NAA25: variants seen among roughly 807,000 people sequenced by gnomAD.
NAA25 encodes N-terminal acetyltransferase B complex subunit NAA25.
A neutral mutation model predicts 132.5 loss-of-function variants in NAA25; 30 were observed. That is an observed-to-expected ratio of 0.23 (90% CI 0.17 to 0.31). The LOEUF (loss-of-function observed/expected upper bound fraction) is 0.31, where lower values mean the gene tolerates loss of function less well. Ranked by LOEUF, NAA25 falls within the 10% of genes least tolerant of loss-of-function variation. The pLI is 1.00. For missense variants in NAA25, 771 were observed against 1,150.4 expected (o/e 0.67, Z 4.77); for synonymous variants, 359 against 401.9 (o/e 0.89, Z 1.28).
chr12:112,088,954 T>C (rs1468109807), intron 3 of NAA25, among the ~76,000 whole-genome samples: 1 of 152,132 alleles, frequency 6.6e-6, no homozygotes, highest in Non-Finnish European at 1.5e-5. Context: ...TCTGATAGAA[T>C]ACCAGTCATA....
At chr12:112,092,056 C>T (rs373663438) in intron 2 of NAA25, among the ~76,000 whole-genome samples, 38 of 152,066 alleles carry the variant, frequency 2.5e-4, no homozygotes, top group African/African-American at 7.9e-4. Context: ...CTGGCTAACA[C>T]GGTGAAACCC....
chr12:112,075,890 C>CTT, intron 7 of NAA25, 101 bp from the exon 8 acceptor site: 3 of 962,474 alleles, frequency 3.1e-6, no homozygotes, highest in African/African-American at 1.7e-5. Flanking sequence ...ATTTTCTTTT[C>CTT]TTTTTTTTTG....
intron 1 of NAA25, among the ~76,000 whole-genome samples, chr12:112,103,140 C>G (rs538067806): frequency 2.0e-4 from 31 of 152,298 alleles, no homozygotes; most frequent in Admixed American, 7.9e-4. Context: ...GCGCCTGCCA[C>G]CACACCTGGC....
At chr12:112,078,775 C>A (rs760699074) in intron 5 of NAA25, 34 bp from the exon 6 acceptor site, 1 of 1,536,678 alleles carries the variant, frequency 6.5e-7, no homozygotes, top group Non-Finnish European at 9.0e-7. Context: ...CATTCTAATT[C>A]TCCCCTGCTT....
intron 20 of NAA25, among the ~76,000 whole-genome samples, chr12:112,041,608 G>C (rs1344010023): frequency 6.6e-6 from 1 of 151,900 alleles, no homozygotes; most frequent in African/African-American, 2.4e-5. Context: ...CCCAAGGAAG[G>C]ACTCAAATAA....
chr12:112,093,919 A>G (rs1359301346), intron 1 of NAA25, among the ~76,000 whole-genome samples: 1 of 152,156 alleles, frequency 6.6e-6, no homozygotes, highest in Admixed American at 6.5e-5. Context: ...ATTTTTTTCA[A>G]CAAATAAAAA....
chr12:112,071,798 C>T, intron 10 of NAA25, 97 bp downstream of exon 10: 1 of 930,038 alleles, frequency 1.1e-6, no homozygotes. Context: ...ATCTGCTTCC[C>T]AAACATGACT....
chr12:112,074,314 C>A (rs1296187503), intron 9 of NAA25, among the ~76,000 whole-genome samples: 2 of 131,978 alleles, frequency 1.5e-5, no homozygotes, highest in African/African-American at 5.8e-5. Flanking sequence ...GCACTCCAGC[C>A]TGGGTGACAA....
chr12:112,057,012 A>AC (rs1230557076), intron 13 of NAA25, among the ~76,000 whole-genome samples: 1 of 151,918 alleles, frequency 6.6e-6, no homozygotes, highest in Non-Finnish European at 1.5e-5. Flanking sequence ...ACATGGTAAA[A>AC]CCCCGTCTCT....
intron 1 of NAA25, among the ~76,000 whole-genome samples, chr12:112,108,425 T>A (rs890208427): frequency 2.0e-5 from 3 of 152,228 alleles, no homozygotes; most frequent in African/African-American, 7.2e-5. Flanking sequence ...CGATGCAGCC[T>A]GCGGGTAGCG....
intron 6 of NAA25, 39 bp from the exon 7 acceptor site, chr12:112,078,305 T>C (rs1388099342): frequency 7.1e-7 from 1 of 1,403,280 alleles, no homozygotes; most frequent in Non-Finnish European, 9.9e-7. Context: ...CTCTGAAACT[T>C]TTCAATAATA....
At chr12:112,052,624 C>G (rs541349073) in intron 15 of NAA25, among the ~76,000 whole-genome samples, 6 of 152,258 alleles carry the variant, frequency 3.9e-5, no homozygotes, top group African/African-American at 1.2e-4. Flanking sequence ...CTATTTAATA[C>G]AATACACCCT....
chr12:112,093,313 ATGGATCACT>A (rs1343741762), intron 1 of NAA25, among the ~76,000 whole-genome samples, 177 bp from the exon 2 acceptor site: 1 of 151,804 alleles, frequency 6.6e-6, no homozygotes, highest in Non-Finnish European at 1.5e-5. Context: ...CCCGAGGCAG[ATGGATCACT>A]TGAGGCCAGG....
intron 11 of NAA25, among the ~76,000 whole-genome samples, chr12:112,062,364 GCACTC>G (rs533504785): frequency 6.7e-6 from 1 of 149,376 alleles, no homozygotes; most frequent in South Asian, 2.1e-4. Flanking sequence ...TTGTTCTACT[GCACTC>G]CAGCCTGGGC....
chr12:112,072,590 CAG>C (rs1267742458), intron 9 of NAA25, among the ~76,000 whole-genome samples: 1 of 135,334 alleles, frequency 7.4e-6, no homozygotes, highest in Admixed American at 8.3e-5. Flanking sequence ...GCCTAGGTGA[CAG>C]AGAGAGATTC....
chr12:112,059,236 C>T (rs916816910), intron 13 of NAA25, among the ~76,000 whole-genome samples: 2 of 151,792 alleles, frequency 1.3e-5, no homozygotes, highest in African/African-American at 4.8e-5. Flanking sequence ...CACGCCACTG[C>T]ACTCGAGCCT....
intron 21 of NAA25, 145 bp downstream of exon 21, chr12:112,040,336 T>C (rs2136810721): frequency 3.8e-6 from 2 of 520,816 alleles, no homozygotes; most frequent in Non-Finnish European, 6.8e-6. Context: ...TAGAAAATGA[T>C]TTAAATTGCT....
chr12:112,031,784 C>T (rs1318042880), intron 23 of NAA25, among the ~76,000 whole-genome samples: 1 of 151,410 alleles, frequency 6.6e-6, no homozygotes, highest in African/African-American at 2.4e-5. Flanking sequence ...CACTTTCCTG[C>T]CCCTGTGCTT....
At chr12:112,086,956 C>G (rs967028735) in intron 4 of NAA25, among the ~76,000 whole-genome samples, 5 of 143,136 alleles carry the variant, frequency 3.5e-5, no homozygotes, top group Non-Finnish European at 7.5e-5. Flanking sequence ...TGCAGTGAGC[C>G]AAGATCGCAC....
Sources: gnomAD v4.1 joint callset for allele counts (sites outside exome capture counted in the v4.1 genomes callset) on GRCh38, gnomAD v4.1.1 for gene constraint, MANE v1.5 for transcripts, NCBI Gene and HGNC (gene_info 2026-07-23, HGNC 2026-07-21) for gene names.